The following STPG2 variants were observed in gnomAD, a reference collection of about 807,000 sequenced individuals.
STPG2 encodes the protein sperm tail PG-rich repeat containing 2, also known as sperm-tail PG-rich repeat-containing protein 2.
In STPG2, 56 loss-of-function variants were observed where a neutral mutation model predicts 54.2. The ratio of observed to expected loss-of-function variants is 1.03; its 90% CI spans 0.83 to 1.29. The LOEUF is 1.29. Ranked by LOEUF, STPG2 falls within the 50% of genes most tolerant of loss-of-function variation. STPG2 has a pLI of 0.00. For missense variants in STPG2, 596 were observed against 544.9 expected (o/e 1.09, Z -0.93); for synonymous variants, 200 against 181.8 (o/e 1.10, Z -0.81).
intron 8 of STPG2, among the ~76,000 whole-genome samples, chr4:97,890,733 C>G (rs1730737389): frequency 6.6e-6 from 1 of 151,776 alleles, no homozygotes; most frequent in South Asian, 2.1e-4. Context: ...TGATAGCTAT[C>G]CCAGTTACCC....
intron 5 of STPG2, among the ~76,000 whole-genome samples, chr4:98,098,304 G>A (rs761214426): frequency 5.9e-4 from 89 of 151,576 alleles, no homozygotes; most frequent in Non-Finnish European, 1.2e-3. Context: ...TAGAGAACCC[G>A]GAAAAAAAAC....
chr4:97,516,505 C>T (rs148327101), intron 4 of STPG2, among the ~76,000 whole-genome samples: 2,139 of 152,062 alleles, frequency 0.014, 19 homozygotes, highest in Non-Finnish European at 0.021. Flanking sequence ...GCCCTTCTTG[C>T]GACACTTATA....
At chr4:97,722,657 C>A (rs1724484556) in intron 9 of STPG2, among the ~76,000 whole-genome samples, 2 of 151,914 alleles carry the variant, frequency 1.3e-5, no homozygotes, top group Non-Finnish European at 2.9e-5. Flanking sequence ...AGTTGAATTT[C>A]TATTGAAAAT....
At chr4:97,705,007 T>C (rs1386435432) in intron 10 of STPG2, among the ~76,000 whole-genome samples, 3 of 152,162 alleles carry the variant, frequency 2.0e-5, no homozygotes, top group Non-Finnish European at 4.4e-5. Flanking sequence ...TTTGTATTAA[T>C]ATATAACACT....
At chr4:97,605,542 C>T (rs1733571886) in intron 10 of STPG2, among the ~76,000 whole-genome samples, 1 of 151,630 alleles carries the variant, frequency 6.6e-6, no homozygotes, top group South Asian at 2.1e-4. Flanking sequence ...TATGTTGCCA[C>T]TTATTATTAA....
chr4:97,753,001 C>T (rs936205), intron 9 of STPG2, among the ~76,000 whole-genome samples: 127,351 of 151,810 alleles, frequency 0.84, 53,582 homozygotes, highest in Middle Eastern at 0.94. Flanking sequence ...AATATTCAAC[C>T]ATACTGACTA....
intron 9 of STPG2, among the ~76,000 whole-genome samples, chr4:97,796,685 C>CT (rs1268464605): frequency 6.6e-6 from 1 of 152,142 alleles, no homozygotes; most frequent in African/African-American, 2.4e-5. Flanking sequence ...GCAATGCTGG[C>CT]TTTTTCTTAG....
chr4:97,712,461 T>C (rs1360956792), intron 10 of STPG2, among the ~76,000 whole-genome samples: 1 of 152,100 alleles, frequency 6.6e-6, no homozygotes, highest in Non-Finnish European at 1.5e-5. Flanking sequence ...AAATTATATA[T>C]ATGAATACTG....
intron 4 of STPG2, among the ~76,000 whole-genome samples, chr4:97,455,155 A>C (rs1729483915): frequency 6.6e-6 from 1 of 152,210 alleles, no homozygotes; most frequent in Non-Finnish European, 1.5e-5. Flanking sequence ...GAAAACTCCT[A>C]GGAGATAACA....
rs927227007 is a variant in STPG2, at chr4:97,575,086, G to A, written c.1321-15969C>T. Among the ~76,000 whole-genome samples, 17 of 151,620 alleles carry A rather than the reference G, an allele frequency of 1.1e-4. 1 individual carries two copies. The highest frequency in any genetic ancestry group is 3.6e-4 in the African/African-American group (15 of 41,268). ...ACACAAGCTCCCCAGATTGAATCAC[G>A]AAGAAATCAAAATGCTGAACAGACT... On this transcript the variant is annotated intron_variant, in intron 10 of 10. Transcript: ENST00000295268.
chr4:97,728,427 A>C (rs751354575), intron 9 of STPG2, among the ~76,000 whole-genome samples: 6 of 152,084 alleles, frequency 3.9e-5, no homozygotes, highest in Admixed American at 6.6e-5. Context: ...CCTATGAAGC[A>C]AAAAATATGA....
At chr4:97,903,231 A>G (rs535217032) in intron 8 of STPG2, among the ~76,000 whole-genome samples, 62 of 152,278 alleles carry the variant, frequency 4.1e-4, no homozygotes, top group Non-Finnish European at 6.5e-4. Flanking sequence ...CATACACACA[A>G]AAAGGAAACT....
chr4:97,806,784 T>C (rs867288590), intron 9 of STPG2, among the ~76,000 whole-genome samples: 6 of 152,190 alleles, frequency 3.9e-5, no homozygotes, highest in Non-Finnish European at 8.8e-5. Flanking sequence ...TCTTTGCACT[T>C]CTTTATGCTC....
downstream of STPG2, among the ~76,000 whole-genome samples, chr4:97,555,927 C>T (rs930276669): frequency 6.6e-6 from 1 of 152,032 alleles, no homozygotes; most frequent in African/African-American, 2.4e-5. Context: ...TATCATTCCA[C>T]AAAGGTATTT....
chr4:98,132,031 A>G (rs951359719), intron 2 of STPG2, among the ~76,000 whole-genome samples: 4 of 152,000 alleles, frequency 2.6e-5, no homozygotes, highest in African/African-American at 9.6e-5. Flanking sequence ...CTATTTGTCT[A>G]CCTCCCATAT....
chr4:97,679,717 T>A (rs1456435679), intron 10 of STPG2, among the ~76,000 whole-genome samples: 37 of 152,188 alleles, frequency 2.4e-4, no homozygotes, highest in Admixed American at 5.2e-4. Context: ...TATGTCCTGA[T>A]TGGTAATGCC....
intron 9 of STPG2, among the ~76,000 whole-genome samples, chr4:97,832,320 T>G (rs1357121841): frequency 6.6e-6 from 1 of 151,682 alleles, no homozygotes; most frequent in African/African-American, 2.4e-5. Context: ...ACAACACCCT[T>G]CATGCTAAAC....
At chr4:97,833,508 G>A (rs1238500659) in intron 9 of STPG2, among the ~76,000 whole-genome samples, 3 of 152,094 alleles carry the variant, frequency 2.0e-5, no homozygotes, top group Admixed American at 6.6e-5. Flanking sequence ...TGACAAATGG[G>A]ATCTAATTAA....
At chr4:97,590,146 A>G (rs1733099860) in intron 10 of STPG2, among the ~76,000 whole-genome samples, 1 of 152,164 alleles carries the variant, frequency 6.6e-6, no homozygotes, top group South Asian at 2.1e-4. Flanking sequence ...AATACAATAA[A>G]TACATATACT....
Sources: gnomAD v4.1 joint callset for allele counts (sites outside exome capture counted in the v4.1 genomes callset) on GRCh38, gnomAD v4.1.1 for gene constraint, MANE v1.5 for transcripts, NCBI Gene and HGNC (gene_info 2026-07-23, HGNC 2026-07-21) for gene names.